AFG1L: variants seen among roughly 807,000 people sequenced by gnomAD.
AFG1L encodes the protein AFG1-like ATPase.
AFG1L carries 53 observed loss-of-function variants against 62.2 expected under a neutral mutation model. The ratio of observed to expected loss-of-function variants is 0.85; its 90% CI spans 0.68 to 1.07. AFG1L has a LOEUF of 1.07. Ranked by LOEUF, AFG1L falls within the 50% of genes least tolerant of loss-of-function variation. AFG1L has a pLI of 0.00. For missense variants in AFG1L, 555 were observed against 590.5 expected, an observed-to-expected ratio of 0.94 and a Z score of 0.62; for synonymous variants, 228 against 210.3, an observed-to-expected ratio of 1.08 and a Z score of -0.73.
chr6:108,417,075 A>C (rs1286011784), intron 7 of AFG1L, among the ~76,000 whole-genome samples: 1 of 151,806 alleles, frequency 6.6e-6, no homozygotes, highest in Non-Finnish European at 1.5e-5. Flanking sequence ...TCTACAAAAA[A>C]ATAAAAAATT....
intron 3 of AFG1L, among the ~76,000 whole-genome samples, chr6:108,354,623 C>A (rs1021798988): frequency 6.6e-6 from 1 of 151,778 alleles, no homozygotes; most frequent in African/African-American, 2.4e-5. Context: ...ATGTTTTTAA[C>A]AGAGAAGGCC....
intron 8 of AFG1L, among the ~76,000 whole-genome samples, chr6:108,454,538 C>A (rs1772178536): frequency 6.6e-6 from 1 of 152,158 alleles, no homozygotes; most frequent in Non-Finnish European, 1.5e-5. Flanking sequence ...TTGCCAGGTA[C>A]AATTACCAGG....
At chr6:108,327,436 G>A (rs1191049164) in intron 2 of AFG1L, among the ~76,000 whole-genome samples, 1 of 152,174 alleles carries the variant, frequency 6.6e-6, no homozygotes, top group East Asian at 1.9e-4. Context: ...GTAGTTCTGG[G>A]TGCTGGGAAG....
At chr6:108,466,932 TAAAC>T (rs1037669177) in intron 8 of AFG1L, among the ~76,000 whole-genome samples, 12 of 151,740 alleles carry the variant, frequency 7.9e-5, no homozygotes, top group Non-Finnish European at 1.2e-4. Context: ...GTGACAAAAA[TAAAC>T]AAACTACTTC....
intron 2 of AFG1L, among the ~76,000 whole-genome samples, chr6:108,326,437 A>G (rs1177996139): frequency 6.6e-6 from 1 of 152,112 alleles, no homozygotes; most frequent in Non-Finnish European, 1.5e-5. Flanking sequence ...TTTTGTTGAA[A>G]TTCTATGACA....
chr6:108,430,043 G>T (rs369491724), intron 7 of AFG1L, among the ~76,000 whole-genome samples: 3 of 151,680 alleles, frequency 2.0e-5, no homozygotes, highest in East Asian at 3.9e-4. Context: ...CACCTCCTGG[G>T]TTCAAGCAGT....
intron 7 of AFG1L, among the ~76,000 whole-genome samples, chr6:108,425,993 A>G (rs1770799633): frequency 6.6e-6 from 1 of 152,196 alleles, no homozygotes; most frequent in African/African-American, 2.4e-5. Flanking sequence ...TGAAATGACA[A>G]AAAGTTGAGC....
chr6:108,401,318 A>AT (rs1454414568), intron 6 of AFG1L, among the ~76,000 whole-genome samples: 2 of 150,546 alleles, frequency 1.3e-5, no homozygotes, highest in Non-Finnish European at 3.0e-5. Context: ...AATTTTTTGT[A>AT]TTTTTAGTAG....
intron 7 of AFG1L, among the ~76,000 whole-genome samples, chr6:108,440,775 C>G (rs1208337308): frequency 6.6e-6 from 1 of 150,728 alleles, no homozygotes. Flanking sequence ...GAGCTGAGAT[C>G]ATGCCACTGC....
intron 10 of AFG1L, among the ~76,000 whole-genome samples, chr6:108,483,249 G>T (rs1176768083): frequency 6.6e-6 from 1 of 152,098 alleles, no homozygotes; most frequent in Non-Finnish European, 1.5e-5. Context: ...AATGTGATTT[G>T]TGTTAATTTG....
intron 10 of AFG1L, among the ~76,000 whole-genome samples, chr6:108,498,603 T>C (rs573101232): frequency 2.6e-5 from 4 of 152,218 alleles, no homozygotes; most frequent in Non-Finnish European, 5.9e-5. Context: ...AGCATCGATA[T>C]GTAGTTTGGT....
Position 108,295,206 on chromosome 6 carries a change from C to A in AFG1L, c.127C>A (p.Pro43Thr), listed in dbSNP as rs1163125937. The A allele has an allele frequency of 5.6e-6, 9 of 1,603,938 alleles. No homozygotes were observed. The highest frequency in any genetic ancestry group is 7.6e-6 in the Non-Finnish European group (9 of 1,179,692). Residue 43 changes from proline to threonine, a missense_variant, in exon 1 of 13, where the codon CCC becomes ACC. Physicochemically the swap from Pro to Thr is conservative, Grantham distance 38. Coordinates refer to ENST00000368977, the MANE Select transcript of AFG1L (RefSeq NM_145315.5). ...TCCTCTGGCCACCGCCCCTGGGAAG[C>A]CCTTTTGGAAAGGTCAGTGACTGTG... ...LAPLATAPGK[P>T]FWKAYTVQTS... is the part of the protein sequence containing the mutation.
intron 6 of AFG1L, among the ~76,000 whole-genome samples, chr6:108,396,937 T>TTA (rs1421107506): frequency 6.6e-6 from 1 of 152,236 alleles, no homozygotes; most frequent in Non-Finnish European, 1.5e-5. Context: ...TTATACTCTA[T>TTA]TAGTTATTTT....
At chr6:108,519,996 C>G (rs1008037409) in intron 12 of AFG1L, 186 bp downstream of exon 12, 6 of 412,394 alleles carry the variant, frequency 1.5e-5, no homozygotes, top group Non-Finnish European at 2.6e-5. Flanking sequence ...TATAAACTTA[C>G]AGTGGAAGGA....
At chr6:108,480,999 G>A (rs1241241490) in intron 10 of AFG1L, among the ~76,000 whole-genome samples, 1 of 152,184 alleles carries the variant, frequency 6.6e-6, no homozygotes, top group Non-Finnish European at 1.5e-5. Flanking sequence ...CATACCCACT[G>A]GGAAGTCCAG....
At chr6:108,519,874 A>G (rs1248894015) in intron 12 of AFG1L, 64 bp downstream of exon 12, 3 of 989,908 alleles carry the variant, frequency 3.0e-6, no homozygotes, top group African/African-American at 1.6e-5. Flanking sequence ...GGTTTGATGC[A>G]TGGCTACATT....
rs189140988 is a variant in AFG1L, at chr6:108,390,399, C to T, written c.749-11597C>T. ...AGTCATTCTCTGTCCAGCTTTGTAC[C>T]GTTGCTAGCGAGGAGCTGCGTTCCT... On this transcript the variant is annotated intron_variant, in intron 6 of 12. Coordinates refer to ENST00000368977, the MANE Select transcript of AFG1L (RefSeq NM_145315.5). Among the ~76,000 whole-genome samples, 17 of 152,306 alleles carry T rather than the reference C, an allele frequency of 1.1e-4. No homozygotes were observed. In the East Asian group the frequency reaches 1.2e-3, roughly 10 times the overall value.
At chr6:108,466,844 T>C (rs1226947453) in intron 8 of AFG1L, among the ~76,000 whole-genome samples, 2 of 151,292 alleles carry the variant, frequency 1.3e-5, no homozygotes, top group African/African-American at 4.8e-5. Context: ...TATTTTGTTA[T>C]GGGAGCCCTA....
chr6:108,396,016 T>A (rs780629698), intron 6 of AFG1L, among the ~76,000 whole-genome samples: 8 of 151,820 alleles, frequency 5.3e-5, no homozygotes, highest in Non-Finnish European at 1.2e-4. Context: ...TAGGTGTCTT[T>A]TTTTGTTTGT....
Sources: allele counts gnomAD v4.1 joint callset (sites outside exome capture counted in the v4.1 genomes callset), GRCh38; gene constraint gnomAD v4.1.1; transcripts MANE v1.5; gene names NCBI Gene and HGNC (gene_info 2026-07-23, HGNC 2026-07-21).